The following PRDM10 variants were observed in gnomAD, a reference collection of about 807,000 sequenced individuals.
PRDM10 encodes PR/SET domain 10, also known as PR domain zinc finger protein 10.
Under a neutral mutation model 133.1 loss-of-function variants are expected in PRDM10, and 65 were observed. That is an observed-to-expected ratio of 0.49 (90% CI 0.40 to 0.60). The LOEUF (loss-of-function observed/expected upper bound fraction) is 0.60, where lower values mean the gene tolerates loss of function less well. Among genes scored for constraint, PRDM10 ranks in the 20% least tolerant of loss-of-function variants. The probability of loss-of-function intolerance (pLI) is 0.00; values close to 1 mark genes in which losing one functional copy is unlikely to be tolerated. For missense variants in PRDM10, 1,137 were observed against 1,507.1 expected (o/e 0.75, Z 4.07); for synonymous variants, 582 against 580.4 (o/e 1.00, Z -0.04).
Position 129,905,719 on chromosome 11 carries a change from C to G in PRDM10, c.3186G>C (p.Thr1062=), listed in dbSNP as rs376352226. Residue 1062 remains threonine, a synonymous_variant, in exon 20 of 21, where the codon ACG becomes ACC. Coordinates refer to ENST00000360871, the MANE Select transcript of PRDM10 (RefSeq NM_199437.2). ...RGYSSEIQMM[T]LPPGQFVITD... Reference sequence around the variant, plus strand: ...TAATCACAAACTGACCCGGAGGAAGCGTCATCATTTGAATCTCAGATGCTA... The same window carrying G: ...TAATCACAAACTGACCCGGAGGAAGGGTCATCATTTGAATCTCAGATGCTA... The G allele has an allele frequency of 3.7e-6, 6 of 1,613,990 alleles. No homozygotes were observed. In the East Asian group the frequency reaches 1.3e-4, roughly 36 times the overall value.
intron 1 of PRDM10, among the ~76,000 whole-genome samples, chr11:130,000,338 C>T (rs1424755910): frequency 1.3e-5 from 2 of 152,154 alleles, no homozygotes; most frequent in Non-Finnish European, 2.9e-5. Flanking sequence ...CCACAGCGCC[C>T]GGCTTAAATT....
chr11:129,987,767 G>A (rs1374322180), intron 1 of PRDM10, among the ~76,000 whole-genome samples: 1 of 152,152 alleles, frequency 6.6e-6, no homozygotes, highest in East Asian at 1.9e-4. Flanking sequence ...TTGGGAGGCC[G>A]AGGCAGGCAG....
At chr11:129,935,311 G>T (rs1216215656) in intron 8 of PRDM10, 93 bp from the exon 9 acceptor site, 7 of 901,000 alleles carry the variant, frequency 7.8e-6, no homozygotes, top group Non-Finnish European at 7.4e-6. Context: ...TTATCTTGCT[G>T]CAGCCCAAAG....
At chr11:129,988,682 T>C (rs555652769) in intron 1 of PRDM10, among the ~76,000 whole-genome samples, 2 of 151,626 alleles carry the variant, frequency 1.3e-5, no homozygotes, top group Non-Finnish European at 2.9e-5. Context: ...TGGGCTGGAG[T>C]GCAGTGGTGC....
chr11:129,975,895 C>G (rs1937732270), intron 1 of PRDM10, among the ~76,000 whole-genome samples: 1 of 152,246 alleles, frequency 6.6e-6, no homozygotes, highest in African/African-American at 2.4e-5. Flanking sequence ...AGTGTGCTAT[C>G]AAACCCCAGT....
Position 129,902,523 on chromosome 11 carries a change from G to T in PRDM10, c.3268-7C>A. The T allele has an allele frequency of 6.2e-7, 1 of 1,612,604 alleles. No individual in the cohort carries two copies. The stretch of plus-strand genomic sequence containing the variant: ...CTGATAACACATAATGACCCTAGAG[G>T]AAGAAGAAAAGGATCCTTAAAAACT... On this transcript the variant is annotated splice_region_variant and splice_polypyrimidine_tract_variant and intron_variant, in intron 20 of 20. Coordinates refer to ENST00000360871, the MANE Select transcript of PRDM10 (RefSeq NM_199437.2).
At chr11:129,949,889 A>G (rs1951535649) in intron 4 of PRDM10, among the ~76,000 whole-genome samples, 1 of 151,390 alleles carries the variant, frequency 6.6e-6, no homozygotes, top group Admixed American at 6.6e-5. Flanking sequence ...AGCTGAGATC[A>G]CGCCATTGCA....
rs116002683 is a variant in PRDM10, at chr11:129,944,828, G to C, written c.705C>G (p.Pro235=). Residue 235 remains proline (P), a synonymous_variant, in exon 6 of 21, where the codon CCC becomes CCG. Coordinates refer to ENST00000360871, the MANE Select transcript of PRDM10 (RefSeq NM_199437.2). ...RRIPKRTQFG[P]VEGPLVRGSE... ...AGCCCCTGACGAGAGGCCCCTCCAC[G>C]GGGCCAAACTGGGTGCGCTTGGGGA... 1.9e-6 allele frequency: 3 copies of C among 1,614,062 alleles called. No homozygotes were observed. Among genetic ancestry groups the C allele is most frequent in the South Asian group, 1.1e-5 (1 of 91,076 alleles).
chr11:129,936,754 G>C (rs1002750727), intron 8 of PRDM10, among the ~76,000 whole-genome samples: 1 of 152,114 alleles, frequency 6.6e-6, no homozygotes. Context: ...TAGCTAGTTG[G>C]TCTGGGGCTT....
chr11:129,998,665 C>G (rs1565520133), intron 1 of PRDM10, among the ~76,000 whole-genome samples: 1 of 152,062 alleles, frequency 6.6e-6, no homozygotes, highest in East Asian at 1.9e-4. Context: ...TTTCAAGTTA[C>G]AGAAGAAGAA....
intron 14 of PRDM10, 76 bp from the exon 15 acceptor site, chr11:129,917,313 A>G (rs916209333): frequency 6.7e-5 from 72 of 1,075,384 alleles, no homozygotes; most frequent in Non-Finnish European, 9.2e-5. Context: ...TGCCTCTGAT[A>G]ATGACCGCCA....
At chr11:129,912,536 G>C (rs1036000390) in intron 17 of PRDM10, among the ~76,000 whole-genome samples, 4 of 152,188 alleles carry the variant, frequency 2.6e-5, no homozygotes, top group African/African-American at 9.7e-5. Flanking sequence ...TGGATCACGA[G>C]GTCAGGAGAT....
intron 4 of PRDM10, among the ~76,000 whole-genome samples, chr11:129,953,068 G>C (rs1304804908): frequency 2.0e-5 from 3 of 151,932 alleles, no homozygotes; most frequent in Non-Finnish European, 4.4e-5. Flanking sequence ...CCGCCTCCCA[G>C]GTTCAAGCGA....
chr11:129,975,186 G>A (rs1242631867), intron 1 of PRDM10, among the ~76,000 whole-genome samples: 2 of 152,168 alleles, frequency 1.3e-5, no homozygotes, highest in East Asian at 3.9e-4. Flanking sequence ...CAGCACTTTG[G>A]GAGGCCGAGG....
rs374307357 is a variant in PRDM10 at position 129,901,368 on chromosome 11, A to C, written c.*945T>G. On this transcript the variant is annotated 3_prime_UTR_variant, in exon 21 of 21. Coordinates refer to ENST00000360871, the MANE Select transcript of PRDM10 (RefSeq NM_199437.2). The stretch of plus-strand genomic sequence containing the variant: ...CACTGAACATGTCAGCAAGAGTTAA[A>C]TGTACACTTGGTAAGAACAAGGAAT... 5.2e-5 allele frequency: 8 copies of C among 152,812 alleles called. No individual in the cohort carries two copies. The highest frequency in any genetic ancestry group is 1.7e-4 in the African/African-American group (7 of 41,598). The allele number at this position is 152,812 out of a possible 1,614,324, so 9.5% of individuals were successfully genotyped here.
At chr11:129,956,362 G>T (rs1224641095) in intron 3 of PRDM10, among the ~76,000 whole-genome samples, 1 of 152,210 alleles carries the variant, frequency 6.6e-6, no homozygotes, top group Admixed American at 6.5e-5. Context: ...GAGGTCAGGA[G>T]ATCGAGACCT....
intron 1 of PRDM10, among the ~76,000 whole-genome samples, chr11:129,985,546 C>T (rs11221921): frequency 6.6e-6 from 1 of 151,808 alleles, no homozygotes; most frequent in Non-Finnish European, 1.5e-5. Context: ...AACCCCAGCA[C>T]TTTGGGAGGC....
intron 7 of PRDM10, among the ~76,000 whole-genome samples, chr11:129,940,651 T>C (rs1951177206): frequency 6.6e-6 from 1 of 152,244 alleles, no homozygotes; most frequent in Non-Finnish European, 1.5e-5. Flanking sequence ...TTGCTGGACC[T>C]ATCAACACAT....
At chr11:129,931,304 T>C in intron 10 of PRDM10, 46 bp from the exon 11 acceptor site, 1 of 1,567,274 alleles carries the variant, frequency 6.4e-7, no homozygotes, top group Non-Finnish European at 8.7e-7. Flanking sequence ...CCGGAGGGAC[T>C]GTCAGCTCAG....
Sources: allele counts gnomAD v4.1 joint callset (sites outside exome capture counted in the v4.1 genomes callset), GRCh38; gene constraint gnomAD v4.1.1; transcripts MANE v1.5; gene names NCBI Gene and HGNC (gene_info 2026-07-23, HGNC 2026-07-21).